The following RBFOX1 variants were observed in gnomAD, a reference collection of about 807,000 sequenced individuals.
RBFOX1 encodes the protein RNA binding protein fox-1 homolog 1.
A neutral mutation model predicts 57.7 loss-of-function variants in RBFOX1; 8 were observed. The observed-to-expected ratio is 0.14, with a 90% CI of 0.08 to 0.25. RBFOX1 has a LOEUF of 0.25. RBFOX1 is among the 10% of genes least tolerant of loss of function. RBFOX1 has a pLI of 1.00. For missense variants in RBFOX1, 611 were observed against 548.5 expected, an observed-to-expected ratio of 1.11 and a Z score of -1.14; for synonymous variants, 326 against 222.4, an observed-to-expected ratio of 1.47 and a Z score of -4.15.
intron 3 of RBFOX1, among the ~76,000 whole-genome samples, chr16:6,881,468 C>T (rs964870807): frequency 3.9e-5 from 6 of 152,090 alleles, no homozygotes; most frequent in South Asian, 2.1e-4. Context: ...CAGGCCTATC[C>T]GTGGCTTGTA....
At chr16:5,814,272 A>G (rs1315273555) in intron 3 of RBFOX1, among the ~76,000 whole-genome samples, 2 of 152,140 alleles carry the variant, frequency 1.3e-5, no homozygotes, top group Non-Finnish European at 1.5e-5. Context: ...CTTGCATGCT[A>G]TGTCCTAATG....
chr16:6,540,772 T>G (rs569741750), intron 2 of RBFOX1, among the ~76,000 whole-genome samples: 1 of 152,334 alleles, frequency 6.6e-6, no homozygotes, highest in East Asian at 1.9e-4. Flanking sequence ...TCACTTAAAG[T>G]AACTCTTTAA....
chr16:6,821,966 C>T lies in RBFOX1; in HGVS notation c.-16+167316C>T, dbSNP rs2091383592. Among the ~76,000 whole-genome samples, 5 of 152,274 alleles carry T rather than the reference C, an allele frequency of 3.3e-5. No homozygotes were observed. The South Asian group carries it at 1.0e-3, about 32-fold the overall frequency. ...CTAGTTTCTGATGTGATTGCCTCTA[C>T]TGTTTGGGGATGGATGATACTTCGC... is the stretch of plus-strand genomic sequence containing the variant. On this transcript the variant is annotated intron_variant, in intron 3 of 15. Transcript: ENST00000550418.
In RBFOX1 at chr16:5,495,113, G is replaced by A. The variant is rs78048020; in HGVS notation, c.258+27859G>A. On this transcript the variant is annotated intron_variant, in intron 2 of 2. Coordinates refer to the RBFOX1 transcript ENST00000585867. ...TCTGCAGGCTGTGCATGGCTGAGGA[G>A]GCCTCAGGAAACTTGCAGTCATGGC... 4.4e-3 allele frequency among the ~76,000 whole-genome samples: 663 copies of A among 152,316 alleles called. 10 individuals carry two copies. Among genetic ancestry groups the A allele is most frequent in the East Asian group, 0.043 (225 of 5,184 alleles).
intron 4 of RBFOX1, among the ~76,000 whole-genome samples, chr16:7,206,412 C>T (rs2089977482): frequency 6.6e-6 from 1 of 151,000 alleles, no homozygotes; most frequent in Non-Finnish European, 1.5e-5. Flanking sequence ...TATTTACTTA[C>T]TGAAATATAT....
intron 4 of RBFOX1, among the ~76,000 whole-genome samples, chr16:7,378,419 A>G (rs1299990433): frequency 2.0e-5 from 3 of 152,108 alleles, no homozygotes; most frequent in African/African-American, 2.4e-5. Flanking sequence ...ACGAGGTGCA[A>G]CACTGTTAGC....
intron 4 of RBFOX1, among the ~76,000 whole-genome samples, chr16:5,963,868 A>G (rs1020449257): frequency 6.6e-6 from 1 of 152,224 alleles, no homozygotes; most frequent in Non-Finnish European, 1.5e-5. Context: ...ACATGACACA[A>G]AAACACAGGC....
chr16:5,746,762 A>G (rs1408760490), intron 3 of RBFOX1, among the ~76,000 whole-genome samples: 1 of 152,194 alleles, frequency 6.6e-6, no homozygotes. Context: ...GTGTATAAGA[A>G]TGCTTGTGAT....
At chr16:6,544,557 T>C (rs913599994) in intron 2 of RBFOX1, among the ~76,000 whole-genome samples, 6 of 152,176 alleles carry the variant, frequency 3.9e-5, no homozygotes, top group African/African-American at 7.2e-5. Context: ...CTTGGTATTG[T>C]TTTCTCTTAG....
At chr16:7,001,846 C>T (rs1018020413) in intron 3 of RBFOX1, among the ~76,000 whole-genome samples, 2 of 152,132 alleles carry the variant, frequency 1.3e-5, no homozygotes, top group African/African-American at 2.4e-5. Flanking sequence ...TACTTTAACT[C>T]TGTTCAGCAC....
intron 2 of RBFOX1, among the ~76,000 whole-genome samples, chr16:6,650,853 G>A (rs12921694): frequency 1 from 152,317 of 152,326 alleles, 76,154 homozygotes; most frequent in Middle Eastern, 1. Context: ...CAACATTTCT[G>A]TAGACTTAAC....
intron 2 of RBFOX1, among the ~76,000 whole-genome samples, chr16:5,495,806 A>C (rs1356612891): frequency 2.6e-5 from 4 of 152,208 alleles, no homozygotes; most frequent in African/African-American, 4.8e-5. Flanking sequence ...AGGCATCTTC[A>C]TGAATGTTCC....
chr16:5,594,168 T>C (rs2047105356), intron 2 of RBFOX1, among the ~76,000 whole-genome samples: 1 of 152,224 alleles, frequency 6.6e-6, no homozygotes, highest in Admixed American at 6.5e-5. Flanking sequence ...GAAGCTTTGA[T>C]TGGCCATGGT....
intron 3 of RBFOX1, among the ~76,000 whole-genome samples, chr16:7,000,823 C>T (rs990262661): frequency 8.6e-5 from 13 of 151,936 alleles, no homozygotes; most frequent in Admixed American, 3.3e-4. Flanking sequence ...AGGATGCTCT[C>T]GATCTCCTGA....
At chr16:5,695,395 C>G (rs1458800606) in intron 3 of RBFOX1, among the ~76,000 whole-genome samples, 1 of 152,116 alleles carries the variant, frequency 6.6e-6, no homozygotes, top group Non-Finnish European at 1.5e-5. Flanking sequence ...TGGTAAATCG[C>G]TTAGAAATCA....
chr16:5,630,125 T>C (rs1299419277), intron 3 of RBFOX1, among the ~76,000 whole-genome samples: 1 of 152,064 alleles, frequency 6.6e-6, no homozygotes, highest in East Asian at 1.9e-4. Context: ...GGCACAGAGG[T>C]ATGGTGCCTT....
chr16:6,990,778 G>C (rs11864262), intron 3 of RBFOX1, among the ~76,000 whole-genome samples: 13,364 of 152,046 alleles, frequency 0.088, 768 homozygotes, highest in South Asian at 0.17. Flanking sequence ...AGGATAGTTC[G>C]AGCCCAAACT....
chr16:6,020,941 C>G (rs1342956271), intron 1 of RBFOX1, among the ~76,000 whole-genome samples: 3 of 152,194 alleles, frequency 2.0e-5, no homozygotes, highest in Non-Finnish European at 4.4e-5. Context: ...CCATTCCTTG[C>G]TGCCAGGGAA....
chr16:5,817,041 C>T (rs1173480526), intron 3 of RBFOX1, among the ~76,000 whole-genome samples: 2 of 152,192 alleles, frequency 1.3e-5, no homozygotes, highest in African/African-American at 2.4e-5. Flanking sequence ...ATCCACCCAC[C>T]TCCAGTAAAT....
Sources: gnomAD v4.1 joint callset for allele counts (sites outside exome capture counted in the v4.1 genomes callset) on GRCh38, gnomAD v4.1.1 for gene constraint, MANE v1.5 for transcripts, NCBI Gene and HGNC (gene_info 2026-07-23, HGNC 2026-07-21) for gene names.